Variants in FRAS1 observed in about 807,000 individuals in gnomAD.
FRAS1 encodes the protein extracellular matrix organizing protein FRAS1.
FRAS1 carries 290 observed loss-of-function variants against 435.2 expected under a neutral mutation model. The observed-to-expected ratio is 0.67, with a 90% confidence interval of 0.61 to 0.73. The LOEUF is 0.73. FRAS1 is among the 30% of genes least tolerant of loss of function. The probability of loss-of-function intolerance (pLI) is 0.00; values close to 1 mark genes in which losing one functional copy is unlikely to be tolerated. For synonymous variants in FRAS1, 1,800 were observed against 1,851.0 expected, an observed-to-expected ratio of 0.97 and a Z score of 0.71; for missense variants, 4,860 against 5,001.5, an observed-to-expected ratio of 0.97 and a Z score of 0.85.
intron 2 of FRAS1, among the ~76,000 whole-genome samples, chr4:78,194,075 T>C (rs1405033850): frequency 1.3e-5 from 2 of 152,240 alleles, no homozygotes; most frequent in East Asian, 1.9e-4. Context: ...GAAATTCTTT[T>C]CTTTAAGAAT....
intron 30 of FRAS1, among the ~76,000 whole-genome samples, chr4:78,404,076 T>G (rs902188582): frequency 1.3e-5 from 2 of 152,182 alleles, no homozygotes; most frequent in African/African-American, 4.8e-5. Context: ...AAAGTAGATA[T>G]GATGAGATGG....
intron 35 of FRAS1, among the ~76,000 whole-genome samples, chr4:78,428,759 T>A (rs1288199196): frequency 2.0e-5 from 3 of 152,226 alleles, no homozygotes; most frequent in African/African-American, 7.2e-5. Flanking sequence ...ACCAGTAGCA[T>A]CTATGGGTGC....
At chr4:78,363,255 C>T (rs1034973051) in intron 20 of FRAS1, among the ~76,000 whole-genome samples, 5 of 152,272 alleles carry the variant, frequency 3.3e-5, no homozygotes, top group East Asian at 1.9e-4. Flanking sequence ...GTGACACCCT[C>T]GTATCTAAAG....
intron 47 of FRAS1, among the ~76,000 whole-genome samples, chr4:78,463,244 T>C (rs1412706718): frequency 2.0e-5 from 3 of 152,202 alleles, no homozygotes; most frequent in Non-Finnish European, 4.4e-5. Flanking sequence ...ATTTGTGGGA[T>C]AGTTTACCAT....
In FRAS1 at chr4:78,231,070, T is replaced by A. The variant is rs1413496150; in HGVS notation, c.109-6440T>A. On this transcript the variant is annotated intron_variant, in intron 2 of 73. Transcript: ENST00000512123. ...CCCGGGTTCAAACGATTCTCCTGCC[T>A]CAGCCTCTTGAGTAGCTGGGATTAC... 3.9e-5 allele frequency among the ~76,000 whole-genome samples: 6 copies of A among 152,124 alleles called. No individual in the cohort carries two copies. In the East Asian group the frequency reaches 1.2e-3, roughly 29 times the overall value.
At chr4:78,380,074 C>T in intron 27 of FRAS1, 78 bp downstream of exon 27, 1 of 1,497,380 alleles carries the variant, frequency 6.7e-7, no homozygotes, top group Non-Finnish European at 9.0e-7. Context: ...GTCCCAGCCT[C>T]TCTGTCTCAA....
At chr4:78,116,023 T>C (rs1743144940) in intron 2 of FRAS1, among the ~76,000 whole-genome samples, 1 of 152,212 alleles carries the variant, frequency 6.6e-6, no homozygotes, top group Non-Finnish European at 1.5e-5. Flanking sequence ...GATTCTGGTA[T>C]GTTGTGTCTT....
intron 2 of FRAS1, among the ~76,000 whole-genome samples, chr4:78,174,079 C>T (rs753863209): frequency 3.3e-5 from 5 of 152,292 alleles, no homozygotes; most frequent in Middle Eastern, 3.4e-3. Flanking sequence ...CAGCTGAATC[C>T]GGGAGATCAG....
intron 12 of FRAS1, among the ~76,000 whole-genome samples, chr4:78,283,898 G>A (rs1025763505): frequency 2.6e-5 from 4 of 152,150 alleles, no homozygotes; most frequent in African/African-American, 9.7e-5. Flanking sequence ...ACTAAATTCA[G>A]TGATAACCCC....
chr4:78,214,720 A>G (rs1342005041), intron 2 of FRAS1, among the ~76,000 whole-genome samples: 1 of 152,222 alleles, frequency 6.6e-6, no homozygotes, highest in East Asian at 1.9e-4. Context: ...TGAGAAAAAC[A>G]GCCCTGTACT....
chr4:78,194,084 A>T (rs928090293), intron 2 of FRAS1, among the ~76,000 whole-genome samples: 1 of 152,204 alleles, frequency 6.6e-6, no homozygotes, highest in African/African-American at 2.4e-5. Flanking sequence ...TTCTTTAAGA[A>T]TGTTGAATAT....
intron 53 of FRAS1, 43 bp from the exon 54 acceptor site, chr4:78,475,395 C>A (rs1456866525): frequency 6.2e-7 from 1 of 1,610,112 alleles, no homozygotes; most frequent in African/African-American, 1.3e-5. Flanking sequence ...TTTTTCATAA[C>A]CATGGGGCAT....
chr4:78,266,760 C>A, intron 7 of FRAS1, 74 bp from the exon 8 acceptor site: 1 of 1,127,342 alleles, frequency 8.9e-7, no homozygotes, highest in South Asian at 1.3e-5. Context: ...AATTGGGTGT[C>A]TTATGTGACA....
intron 29 of FRAS1, among the ~76,000 whole-genome samples, chr4:78,399,788 C>G (rs930674731): frequency 6.6e-6 from 1 of 152,174 alleles, no homozygotes; most frequent in Non-Finnish European, 1.5e-5. Context: ...CATTTTCTCT[C>G]CCCTGAGCCA....
intron 42 of FRAS1, 59 bp downstream of exon 42, chr4:78,445,771 G>A (rs779018104): frequency 6.4e-7 from 1 of 1,571,160 alleles, no homozygotes; most frequent in Non-Finnish European, 8.6e-7. Context: ...CACACCATTA[G>A]AGAGCTTTCT....
intron 2 of FRAS1, among the ~76,000 whole-genome samples, chr4:78,161,886 G>C (rs1721159690): frequency 6.6e-6 from 1 of 151,156 alleles, no homozygotes; most frequent in Non-Finnish European, 1.5e-5. Context: ...CATCCACCTT[G>C]TAGCATAAGG....
chr4:78,483,767 ACTCTCTCTCTCTC>A (rs1384405050), intron 58 of FRAS1, among the ~76,000 whole-genome samples: 11 of 110,340 alleles, frequency 1.0e-4, no homozygotes, highest in East Asian at 2.3e-4. Flanking sequence ...GAAAAAAAAA[ACTCTCTCTCTCTC>A]TCTATATATA....
At chr4:78,185,984 C>G (rs1722251722) in intron 2 of FRAS1, among the ~76,000 whole-genome samples, 1 of 152,148 alleles carries the variant, frequency 6.6e-6, no homozygotes, top group African/African-American at 2.4e-5. Flanking sequence ...TGCCTCATGA[C>G]TCCAAAAAAC....
At chr4:78,315,259 G>T (rs1729190371) in intron 15 of FRAS1, among the ~76,000 whole-genome samples, 1 of 152,112 alleles carries the variant, frequency 6.6e-6, no homozygotes, top group South Asian at 2.1e-4. Context: ...AAATTTTATG[G>T]AGCATCTGAT....
Sources: gnomAD v4.1 joint callset for allele counts (sites outside exome capture counted in the v4.1 genomes callset) on GRCh38, gnomAD v4.1.1 for gene constraint, MANE v1.5 for transcripts, NCBI Gene and HGNC (gene_info 2026-07-23, HGNC 2026-07-21) for gene names.